Variants in SV2C observed in about 807,000 individuals in gnomAD.
SV2C encodes solute carrier family 22 member B3.
SV2C carries 49 observed loss-of-function variants against 79.7 expected under a neutral mutation model. The observed-to-expected ratio is 0.61, with a 90% CI of 0.49 to 0.78. The LOEUF (loss-of-function observed/expected upper bound fraction) is 0.78. SV2C is among the 30% of genes least tolerant of loss of function. SV2C has a pLI of 0.00. For synonymous variants in SV2C, 334 were observed against 333.2 expected (o/e 1.00, Z -0.03); for missense variants, 833 against 912.9 (o/e 0.91, Z 1.13).
chr5:76,213,027 G>T (rs1032253812), intron 4 of SV2C, among the ~76,000 whole-genome samples: 1 of 152,122 alleles, frequency 6.6e-6, no homozygotes, highest in Non-Finnish European at 1.5e-5. Context: ...AAACAATGAC[G>T]ACACAACAAA....
rs189305265 is a variant in SV2C, at chr5:76,163,018, G to A, written c.580+30688G>A. On this transcript the variant is annotated intron_variant, in intron 2 of 12. Transcript: ENST00000502798. ...ATACTTCACTGAACCAGAATTCAGA[G>A]GAATCCAGTTTAGAGGCCTGTCTGC... Among the ~76,000 whole-genome samples, 151 of 152,268 alleles carry A rather than the reference G, an allele frequency of 9.9e-4. 1 individual carries two copies. The highest frequency in any genetic ancestry group is 3.3e-3 in the African/African-American group (138 of 41,536).
At position 76,300,937 on chromosome 5, in the gene SV2C, G is replaced by A. The variant is rs780585330; in HGVS notation, c.1840+5G>A. 4.3e-6 allele frequency: 7 copies of A among 1,613,870 alleles called. No individual in the cohort carries two copies. The highest frequency in any genetic ancestry group is 5.9e-6 in the Non-Finnish European group (7 of 1,179,924). On this transcript the variant is annotated splice_donor_5th_base_variant and intron_variant, in intron 11 of 12. Coordinates refer to ENST00000502798, the MANE Select transcript of SV2C (RefSeq NM_014979.4). ...TTGGGCGCTTAACAATGCTAGGTAT[G>A]TACTCAGTTTCATGTCAAATAAAAG...
At chr5:75,885,481 G>A in the SV2C span, among the ~76,000 whole-genome samples, 3 of 152,078 alleles carry the variant, frequency 2.0e-5, no homozygotes, top group African/African-American at 2.4e-5. Flanking sequence ...CAGCTGTGAC[G>A]CAAACCCACT....
intron 10 of SV2C, among the ~76,000 whole-genome samples, chr5:76,299,935 G>A (rs1747923403): frequency 1.3e-5 from 2 of 152,144 alleles, no homozygotes; most frequent in South Asian, 4.1e-4. Flanking sequence ...ACCTTCAGAT[G>A]AGGCTGACTC....
chr5:75,958,830 T>A, the SV2C span, among the ~76,000 whole-genome samples: 2 of 151,904 alleles, frequency 1.3e-5, no homozygotes, highest in Non-Finnish European at 2.9e-5. Flanking sequence ...CCAGCATTTA[T>A]CTCCAAGGAA....
chr5:76,135,694 G>A (rs1263409313), intron 2 of SV2C, among the ~76,000 whole-genome samples: 1 of 152,180 alleles, frequency 6.6e-6, no homozygotes, highest in African/African-American at 2.4e-5. Context: ...GTGTCCTGCT[G>A]ATTTCCAGCC....
At chr5:75,895,694 C>T in the SV2C span, among the ~76,000 whole-genome samples, 1 of 152,088 alleles carries the variant, frequency 6.6e-6, no homozygotes, top group African/African-American at 2.4e-5. Flanking sequence ...GTGTGGGCCT[C>T]ATGCCACATG....
At chr5:75,881,714 T>C in the SV2C span, among the ~76,000 whole-genome samples, 3 of 152,128 alleles carry the variant, frequency 2.0e-5, no homozygotes, top group South Asian at 4.2e-4. Flanking sequence ...CAATGGGGTT[T>C]TCTAGATATA....
At chr5:76,209,941 C>T in intron 4 of SV2C, 54 bp downstream of exon 4, 1 of 1,544,304 alleles carries the variant, frequency 6.5e-7, no homozygotes, top group Non-Finnish European at 8.7e-7. Flanking sequence ...GCTTCAGGCT[C>T]CATTCCCATC....
In SV2C at chr5:76,329,105, C is replaced by T. The variant is rs1403735131; in HGVS notation, c.*3558C>T. ...GCACTAAATAGGTTTAGTTTATAAA[C>T]TGAAAAATTAGGAAATAGGCACGCA... On this transcript the variant is annotated 3_prime_UTR_variant, in exon 13 of 13. Transcript: ENST00000502798. 1 of 152,116 alleles carries T rather than the reference C, an allele frequency of 6.6e-6. No individual in the cohort carries two copies. Among genetic ancestry groups the T allele is most frequent in the African/African-American group, 2.4e-5 (1 of 41,412 alleles). The allele number at this position is 152,116 out of a possible 1,614,324, so 9.4% of individuals were successfully genotyped here.
chr5:76,052,418 C>A, the SV2C span, among the ~76,000 whole-genome samples: 1 of 152,140 alleles, frequency 6.6e-6, no homozygotes, highest in East Asian at 1.9e-4. Flanking sequence ...AAAGAAGGGA[C>A]TGAAGAATTA....
chr5:75,908,593 G>A, the SV2C span, among the ~76,000 whole-genome samples: 1 of 152,190 alleles, frequency 6.6e-6, no homozygotes, highest in East Asian at 1.9e-4. Flanking sequence ...CCATATGGTA[G>A]GAAGGGGAGA....
the SV2C span, among the ~76,000 whole-genome samples, chr5:75,896,465 G>A: frequency 2.0e-5 from 2 of 97,674 alleles, no homozygotes; most frequent in Non-Finnish European, 3.5e-5. Context: ...GTCTATCATT[G>A]TTGGACATTT....
the SV2C span, among the ~76,000 whole-genome samples, chr5:75,929,803 C>T: frequency 2.6e-5 from 4 of 152,114 alleles, no homozygotes; most frequent in Non-Finnish European, 4.4e-5. Flanking sequence ...TTTATTTGCT[C>T]ATTAAGCATG....
chr5:75,888,987 T>C, the SV2C span, among the ~76,000 whole-genome samples: 1 of 152,074 alleles, frequency 6.6e-6, no homozygotes, highest in African/African-American at 2.4e-5. Context: ...TCCTTGGCTG[T>C]CTTCTCTCTA....
At chr5:76,199,316 G>A (rs1034012279) in intron 3 of SV2C, among the ~76,000 whole-genome samples, 3 of 152,082 alleles carry the variant, frequency 2.0e-5, no homozygotes, top group Non-Finnish European at 4.4e-5. Context: ...CCAAAATGTT[G>A]GGAATGTTTC....
chr5:76,321,677 G>A (rs989055345), intron 12 of SV2C, among the ~76,000 whole-genome samples: 19 of 151,400 alleles, frequency 1.3e-4, no homozygotes, highest in African/African-American at 4.6e-4. Context: ...GTAGATCGAG[G>A]CTGCAGTGAG....
At chr5:75,851,954 C>T in the SV2C span, among the ~76,000 whole-genome samples, 33 of 152,298 alleles carry the variant, frequency 2.2e-4, no homozygotes, top group African/African-American at 7.9e-4. Flanking sequence ...TGAGCCACCG[C>T]GCCTGGCCGA....
chr5:76,059,256 A>G, the SV2C span, among the ~76,000 whole-genome samples: 1 of 152,036 alleles, frequency 6.6e-6, no homozygotes. Flanking sequence ...AAATAAAATA[A>G]AAATAAAGTT....
Sources: allele counts gnomAD v4.1 joint callset (sites outside exome capture counted in the v4.1 genomes callset), GRCh38; gene constraint gnomAD v4.1.1; transcripts MANE v1.5; gene names NCBI Gene and HGNC (gene_info 2026-07-23, HGNC 2026-07-21).